STN1: variants seen among roughly 807,000 people sequenced by gnomAD.
The protein encoded by STN1 is CST complex subunit STN1.
A neutral mutation model predicts 45.5 loss-of-function variants in STN1; 29 were observed. The ratio of observed to expected loss-of-function variants is 0.64; its 90% CI spans 0.47 to 0.87. STN1 has a LOEUF of 0.87. Among genes scored for constraint, STN1 ranks in the 40% least tolerant of loss-of-function variants. The probability of loss-of-function intolerance (pLI) is 0.00; values close to 1 mark genes in which losing one functional copy is unlikely to be tolerated. For synonymous variants in STN1, 148 were observed against 159.0 expected (o/e 0.93, Z 0.52); for missense variants, 376 against 441.4 (o/e 0.85, Z 1.33).
At chr10:103,909,643 A>G (rs1352171809) in intron 3 of STN1, among the ~76,000 whole-genome samples, 2 of 151,468 alleles carry the variant, frequency 1.3e-5, no homozygotes, top group African/African-American at 4.9e-5. Flanking sequence ...AAATGAATAC[A>G]TGTAAAGAAA....
chr10:103,887,719 A>G (rs1346394009), intron 9 of STN1, among the ~76,000 whole-genome samples: 4 of 152,142 alleles, frequency 2.6e-5, no homozygotes, highest in Non-Finnish European at 2.9e-5. Flanking sequence ...GGGCCTGTCC[A>G]CTTGATGAGC....
At position 103,897,702 on chromosome 10, in the gene STN1, T is replaced by G. The variant is rs1432455435; in HGVS notation, c.599A>C (p.Asp200Ala). The change falls in exon 7 of 10, where the codon GAC becomes GCC. Residue 200 changes from aspartate (D) to alanine (A), a missense_variant. Coordinates refer to ENST00000224950, the MANE Select transcript of STN1 (RefSeq NM_024928.5). ...EEALSNPGALDLPSLTSLLSE... is the reference protein window; with the variant it reads ...EEALSNPGALALPSLTSLLSE... The stretch of plus-strand genomic sequence containing the variant: ...CAGCAAACTCGTGAGACTGGGGAGG[T>G]CCAGGGCGCCTGGATTGCTGCGGAG... The G allele has an allele frequency of 6.2e-7, 1 of 1,613,886 alleles. No homozygotes were observed. The highest frequency in any genetic ancestry group is 8.5e-7 in the Non-Finnish European group (1 of 1,179,984).
At chr10:103,917,419 G>A in intron 2 of STN1, 43 bp downstream of exon 2, 1 of 1,586,128 alleles carries the variant, frequency 6.3e-7, no homozygotes, top group Non-Finnish European at 8.6e-7. Flanking sequence ...GGGAAAGGGT[G>A]GCAGATGCAG....
rs1189407458 is a variant in STN1 at position 103,914,359 on chromosome 10, TATATATATA to T, written c.133+3094_133+3102del. 4.1e-3 allele frequency among the ~76,000 whole-genome samples: 173 copies of T among 42,496 alleles called. 9 individuals carry two copies. Among genetic ancestry groups the T allele is most frequent in the Admixed American group, 8.0e-3 (27 of 3,390 alleles). 27.9% of individuals were successfully genotyped at this position (42,496 alleles called of 152,430 possible). A position where few individuals can be genotyped will look rare whatever the true frequency, so the allele number is the denominator to read the frequency against. ...ACATATATATATATATATATATATA[TATATATATA>T]TATATATTTTTTTTTTTTTTTTTTG... is the stretch of plus-strand genomic sequence containing the variant. On this transcript the variant is annotated intron_variant, in intron 2 of 9. Coordinates refer to ENST00000224950, the MANE Select transcript of STN1 (RefSeq NM_024928.5).
chr10:103,909,629 A>G (rs1285916649), intron 3 of STN1, among the ~76,000 whole-genome samples: 1 of 151,216 alleles, frequency 6.6e-6, no homozygotes, highest in Non-Finnish European at 1.5e-5. Flanking sequence ...AATACTCTTC[A>G]GGAAAATGAA....
chr10:103,895,754 A>G (rs1843167022), intron 7 of STN1, among the ~76,000 whole-genome samples: 1 of 152,226 alleles, frequency 6.6e-6, no homozygotes, highest in African/African-American at 2.4e-5. Flanking sequence ...CTGTTCCACC[A>G]AAATCAAGAA....
At position 103,910,586 on chromosome 10, in the gene STN1, A is replaced by C; in HGVS notation, c.170T>G (p.Val57Gly). 6.2e-7 allele frequency: 1 copy of C among 1,610,916 alleles called. No homozygotes were observed. Among genetic ancestry groups the C allele is most frequent in the Non-Finnish European group, 8.5e-7 (1 of 1,177,486 alleles). The change falls in exon 3 of 10, where the codon GTA becomes GGA. Residue 57 changes from valine (V) to glycine (G), a missense_variant. Transcript: ENST00000224950. The part of the protein sequence containing the change: ...FLYNGHPIKQ[V>G]DVLGTVIGVR... The stretch of plus-strand genomic sequence containing the variant: ...TCCAATGACAGTTCCCAAGACATCT[A>C]CCTGTTTTATTGGATGTCCATTGTA...
Position 103,910,525 on chromosome 10 carries a change from A to G in STN1, c.229+2T>C. 6.3e-7 allele frequency: 1 copy of G among 1,584,146 alleles called. No individual in the cohort carries two copies. Among genetic ancestry groups the G allele is most frequent in the Non-Finnish European group, 8.7e-7 (1 of 1,153,552 alleles). On this transcript the variant is annotated splice_donor_variant, in intron 3 of 9. Coordinates refer to ENST00000224950, the MANE Select transcript of STN1 (RefSeq NM_024928.5). LOFTEE classifies it high-confidence loss of function. ...CTTCATTTCAGACACAATTGTTCTT[A>G]CCTCCATAACTGTAGAAAGCATCTC...
At chr10:103,915,759 G>T (rs1843326643) in intron 2 of STN1, among the ~76,000 whole-genome samples, 1 of 152,022 alleles carries the variant, frequency 6.6e-6, no homozygotes, top group African/African-American at 2.4e-5. Context: ...CTAAAGCAGT[G>T]GTCCCCAACC....
At chr10:103,902,048 C>T (rs955059563) in intron 4 of STN1, among the ~76,000 whole-genome samples, 2 of 152,022 alleles carry the variant, frequency 1.3e-5, no homozygotes, top group East Asian at 3.9e-4. Context: ...ATAGAGAAAC[C>T]CTTCATCAAA....
intron 4 of STN1, among the ~76,000 whole-genome samples, chr10:103,904,408 G>C (rs1843228077): frequency 6.6e-6 from 1 of 151,432 alleles, no homozygotes; most frequent in South Asian, 2.1e-4. Flanking sequence ...TTGTGTCCAG[G>C]AGTTTGAGAC....
chr10:103,889,695 C>CTTT (rs58738841), intron 8 of STN1, among the ~76,000 whole-genome samples: 19 of 122,110 alleles, frequency 1.6e-4, no homozygotes, highest in South Asian at 2.9e-4. Flanking sequence ...TTTCTTTTTC[C>CTTT]TTTTTTTTTT....
chr10:103,892,721 TGGAGGACAACAGA>T (rs1214072345), intron 7 of STN1, among the ~76,000 whole-genome samples: 1 of 152,204 alleles, frequency 6.6e-6, no homozygotes, highest in Non-Finnish European at 1.5e-5. Flanking sequence ...TTATTTTAAA[TGGAGGACAACAGA>T]GGCTGTGCAG....
chr10:103,886,734 A>G lies in STN1; in HGVS notation c.949+2338T>C, dbSNP rs186246896. The stretch of plus-strand genomic sequence containing the variant: ...TTTGGATCATAATTATGCACTGAGT[A>G]CTCTTCTAACTTTCTAAATGCCAAT... On this transcript the variant is annotated intron_variant, in intron 9 of 9. Coordinates refer to ENST00000224950, the MANE Select transcript of STN1 (RefSeq NM_024928.5). Among the ~76,000 whole-genome samples the G allele has an allele frequency of 6.6e-5, 10 of 152,260 alleles. No homozygotes were observed. The East Asian group carries it at 1.9e-3, about 29-fold the overall frequency.
intron 2 of STN1, 32 bp from the exon 3 acceptor site, chr10:103,910,654 T>G (rs765952569): frequency 4.3e-6 from 5 of 1,162,858 alleles, no homozygotes; most frequent in Non-Finnish European, 6.4e-6. Context: ...GTCGACATAA[T>G]GTATGATTAC....
chr10:103,888,921 A>C lies in STN1; in HGVS notation c.949+151T>G, dbSNP rs1843120388. The C allele has an allele frequency of 6.7e-6, 4 of 600,392 alleles. No homozygotes were observed. The South Asian group carries it at 7.5e-5, about 11-fold the overall frequency. 37.2% of individuals were successfully genotyped at this position (600,392 alleles called of 1,614,324 possible). On this transcript the variant is annotated intron_variant, in intron 9 of 9. Transcript: ENST00000224950. Reference sequence around the variant, plus strand: ...CAACACTCCTTTAGAGAGGAGATGGAGGCTCAGGGAGGGCAGGTACTTTGA... The same window carrying C: ...CAACACTCCTTTAGAGAGGAGATGGCGGCTCAGGGAGGGCAGGTACTTTGA...
rs1409686126 is a variant in STN1, at chr10:103,877,687, ATGTGGGAGT to A, written c.*4988_*4996del. 1 of 152,238 alleles carries A rather than the reference ATGTGGGAGT, an allele frequency of 6.6e-6. No homozygotes were observed. The highest frequency in any genetic ancestry group is 2.4e-5 in the African/African-American group (1 of 41,466). The allele number at this position is 152,238 out of a possible 1,614,324, so 9.4% of individuals were successfully genotyped here. A position where few individuals can be genotyped will look rare whatever the true frequency, so the allele number is the denominator to read the frequency against. Reference sequence around the variant, plus strand: ...TCTGGATTACAATGAAAACTCACTTATGTGGGAGTTTGAGCTCACATTTACAGCCTCCAC... The same window carrying A: ...TCTGGATTACAATGAAAACTCACTTATTGAGCTCACATTTACAGCCTCCAC... On this transcript the variant is annotated 3_prime_UTR_variant, in exon 10 of 10. Coordinates refer to ENST00000224950, the MANE Select transcript of STN1 (RefSeq NM_024928.5).
At chr10:103,914,374 ATT>A (rs1264013304) in intron 2 of STN1, among the ~76,000 whole-genome samples, 3 of 97,358 alleles carry the variant, frequency 3.1e-5, no homozygotes, top group South Asian at 3.2e-4. Flanking sequence ...ATATATATAT[ATT>A]TTTTTTTTTT....
intron 4 of STN1, 22 bp from the exon 5 acceptor site, chr10:103,900,245 G>A (rs762822795): frequency 1.2e-6 from 2 of 1,610,230 alleles, no homozygotes; most frequent in South Asian, 1.1e-5. Context: ...TAGAGCCAGA[G>A]GGAAAGAGAA....
Sources: gnomAD v4.1 joint callset for allele counts (sites outside exome capture counted in the v4.1 genomes callset) on GRCh38, gnomAD v4.1.1 for gene constraint, MANE v1.5 for transcripts, NCBI Gene and HGNC (gene_info 2026-07-23, HGNC 2026-07-21) for gene names.